The following FAM149B1 variants were observed in gnomAD, a reference collection of about 807,000 sequenced individuals.
FAM149B1 encodes family with sequence similarity 149 member B1, also known as primary cilium assembly protein FAM149B1.
In FAM149B1, 56 loss-of-function variants were observed where a neutral mutation model predicts 75.3. The ratio of observed to expected loss-of-function variants is 0.74; its 90% CI spans 0.60 to 0.93. FAM149B1 has a LOEUF of 0.93. FAM149B1 is among the 40% of genes least tolerant of loss of function. FAM149B1 has a pLI of 0.00. For synonymous variants in FAM149B1, 259 were observed against 256.1 expected, an observed-to-expected ratio of 1.01 and a Z score of -0.11; for missense variants, 639 against 708.4, an observed-to-expected ratio of 0.90 and a Z score of 1.11.
Position 73,239,368 on chromosome 10 carries a change from TG to T in FAM149B1, c.1661del (p.Gly554AlafsTer46). 5.2e-6 allele frequency: 8 copies of T among 1,551,616 alleles called. No individual in the cohort carries two copies. The highest frequency in any genetic ancestry group is 7.0e-6 in the Non-Finnish European group (8 of 1,146,904). On this transcript the variant is annotated frameshift_variant, in exon 13 of 14. Coordinates refer to ENST00000242505, the MANE Select transcript of FAM149B1 (RefSeq NM_173348.2). LOFTEE classifies it high-confidence loss of function. ...AVEYPHQARP[G>X]RGSAGPQLHG... ...TTGAGTATCCTCATCAGGCCCGACCTGGCAGGGGATCTGCAGGTAAAGGTGG... is the reference window on the plus strand; with the variant it reads ...TTGAGTATCCTCATCAGGCCCGACCTGCAGGGGATCTGCAGGTAAAGGTGG...
Position 73,193,555 on chromosome 10 carries a change from A to G in FAM149B1, c.504A>G (p.Ser168=). The change falls in exon 5 of 14, where the codon TCA becomes TCG. Residue 168 remains serine (S), a synonymous_variant. Coordinates refer to ENST00000242505, the MANE Select transcript of FAM149B1 (RefSeq NM_173348.2). ...GATCCCCTTCTGCTGTTTCCGCTTCATATGAAACAACCTTGTCTCAAGAAA... is the reference window on the plus strand; with the variant it reads ...GATCCCCTTCTGCTGTTTCCGCTTCGTATGAAACAACCTTGTCTCAAGAAA... ...YPRSPSAVSA[S]YETTLSQERD... 1.3e-6 allele frequency: 2 copies of G among 1,551,166 alleles called. No homozygotes were observed. Among genetic ancestry groups the G allele is most frequent in the Non-Finnish European group, 8.7e-7 (1 of 1,146,752 alleles).
chr10:73,232,912 A>AT (rs1564715055), intron 9 of FAM149B1, 27 bp from the exon 10 acceptor site: 1 of 1,328,492 alleles, frequency 7.5e-7, no homozygotes, highest in Admixed American at 2.0e-5. Flanking sequence ...TCTTTACTTC[A>AT]TTGTGGGTTT....
At chr10:73,199,072 C>T (rs2042873113) in intron 5 of FAM149B1, among the ~76,000 whole-genome samples, 1 of 152,196 alleles carries the variant, frequency 6.6e-6, no homozygotes, top group Admixed American at 6.5e-5. Context: ...CTAGCAAAGT[C>T]ATTTTATCCT....
chr10:73,203,098 C>T (rs1376959205), intron 5 of FAM149B1, among the ~76,000 whole-genome samples: 2 of 152,144 alleles, frequency 1.3e-5, no homozygotes, highest in Non-Finnish European at 2.9e-5. Context: ...ATCATGTTAG[C>T]CCACGGTGTT....
intron 5 of FAM149B1, among the ~76,000 whole-genome samples, chr10:73,196,106 G>C (rs973567169): frequency 6.6e-6 from 1 of 151,938 alleles, no homozygotes; most frequent in East Asian, 1.9e-4. Context: ...GTTTTGTTTT[G>C]ACTGTTTCTT....
chr10:73,207,129 C>A (rs2043082822), intron 5 of FAM149B1, among the ~76,000 whole-genome samples: 1 of 152,158 alleles, frequency 6.6e-6, no homozygotes, highest in African/African-American at 2.4e-5. Context: ...CTCTATTGGG[C>A]AGTGCAGAGA....
At chr10:73,216,447 T>C (rs1056165450) in intron 7 of FAM149B1, among the ~76,000 whole-genome samples, 4 of 152,168 alleles carry the variant, frequency 2.6e-5, no homozygotes, top group Admixed American at 6.5e-5. Context: ...ATGATTGTTT[T>C]TGAGTTGTTT....
intron 9 of FAM149B1, chr10:73,231,373 G>A (rs920036948): frequency 2.6e-5 from 4 of 152,138 alleles, no homozygotes; most frequent in African/African-American, 9.7e-5. Context: ...TCATAGCACA[G>A]GTATATGTTT....
In FAM149B1 at chr10:73,177,893, G is replaced by A; in HGVS notation, c.200G>A (p.Gly67Glu). 4 of 1,551,690 alleles carry A rather than the reference G, an allele frequency of 2.6e-6. No homozygotes were observed. The highest frequency in any genetic ancestry group is 3.5e-6 in the Non-Finnish European group (4 of 1,146,912). Reference sequence around the variant, plus strand: ...TCATCTTTTACATCAGCCGACACTGGGAATTCACTGTCTGCTTTTCCAAGT... The same window carrying A: ...TCATCTTTTACATCAGCCGACACTGAGAATTCACTGTCTGCTTTTCCAAGT... The part of the protein sequence containing the change: ...RESSFTSADT[G>E]NSLSAFPSYT... The change falls in exon 3 of 14, where the codon GGG becomes GAG. Residue 67 changes from glycine (G) to glutamate (E), a missense_variant. Physicochemically the swap from Gly to Glu is moderately conservative, Grantham distance 98. Transcript: ENST00000242505.
intron 5 of FAM149B1, among the ~76,000 whole-genome samples, chr10:73,196,091 C>A (rs1256333544): frequency 6.6e-6 from 1 of 152,108 alleles, no homozygotes; most frequent in East Asian, 1.9e-4. Context: ...AAGCTAGTAC[C>A]TTTGGTTTTG....
intron 9 of FAM149B1, 78 bp from the exon 10 acceptor site, chr10:73,232,861 G>A: frequency 1.2e-6 from 1 of 864,886 alleles, no homozygotes; most frequent in Non-Finnish European, 1.9e-6. Flanking sequence ...TCTAGTCTAA[G>A]GCTTTTTACC....
At chr10:73,199,617 T>A (rs1397358721) in intron 5 of FAM149B1, among the ~76,000 whole-genome samples, 1 of 152,168 alleles carries the variant, frequency 6.6e-6, no homozygotes, top group Non-Finnish European at 1.5e-5. Context: ...GAGATCCTCC[T>A]GCCTCAGCCT....
In FAM149B1 at chr10:73,204,944, A is replaced by ATTTTTTTT. The variant is rs71021549; in HGVS notation, c.543-3630_543-3623dup. Among the ~76,000 whole-genome samples, 2 of 36,606 alleles carry ATTTTTTTT rather than the reference A, an allele frequency of 5.5e-5. 1 individual carries two copies. Among genetic ancestry groups the ATTTTTTTT allele is most frequent in the Non-Finnish European group, 1.0e-4 (2 of 19,162 alleles). The allele number at this position is 36,606 out of a possible 152,430, so 24.0% of individuals were successfully genotyped here. A position where few individuals can be genotyped will look rare whatever the true frequency, so the allele number is the denominator to read the frequency against. ...AGGCACCCGCCACCATGCCTGGCTA[A>ATTTTTTTT]TTTTTTTTTTTTTTTTTTTTTTTTT... is the stretch of plus-strand genomic sequence containing the variant. On this transcript the variant is annotated intron_variant, in intron 5 of 13. Transcript: ENST00000242505.
intron 5 of FAM149B1, among the ~76,000 whole-genome samples, chr10:73,206,532 T>C (rs2043061544): frequency 6.6e-6 from 1 of 152,232 alleles, no homozygotes; most frequent in South Asian, 2.1e-4. Context: ...GAAAAAGGCA[T>C]TTCGGAGACC....
rs968302710 is a variant in FAM149B1 at position 73,177,886 on chromosome 10, G to A, written c.193G>A (p.Asp65Asn). ...AAGAGAATCATCTTTTACATCAGCC[G>A]ACACTGGGAATTCACTGTCTGCTTT... The part of the protein sequence containing the change: ...ITRESSFTSA[D>N]TGNSLSAFPS... Residue 65 changes from aspartate (D) to asparagine (N), a missense_variant, in exon 3 of 14, where the codon GAC becomes AAC. Coordinates refer to ENST00000242505, the MANE Select transcript of FAM149B1 (RefSeq NM_173348.2). 1.0e-5 allele frequency: 16 copies of A among 1,551,614 alleles called. No individual in the cohort carries two copies. The highest frequency in any genetic ancestry group is 5.9e-5 in the Admixed American group (3 of 50,970).
At chr10:73,174,901 A>C in intron 2 of FAM149B1, 110 bp downstream of exon 2, 2 of 701,348 alleles carry the variant, frequency 2.9e-6, no homozygotes, top group Non-Finnish European at 4.9e-6. Context: ...ACAAAGCAAG[A>C]ATTTTTGTCA....
intron 3 of FAM149B1, 149 bp downstream of exon 3, chr10:73,178,124 ATCT>A: frequency 2.3e-6 from 2 of 854,094 alleles, no homozygotes; most frequent in Non-Finnish European, 3.4e-6. Context: ...ATCAGTCCTC[ATCT>A]TCTTTCAGTA....
intron 1 of FAM149B1, 70 bp from the exon 2 acceptor site, chr10:73,174,617 T>C: frequency 1.7e-6 from 2 of 1,167,698 alleles, no homozygotes; most frequent in Non-Finnish European, 2.5e-6. Context: ...GTGACTAACT[T>C]CTAGATTAAA....
In FAM149B1 at chr10:73,168,359, G is replaced by A. The variant is rs1434622891; in HGVS notation, c.20G>A (p.Arg7Gln). 1.9e-5 allele frequency: 29 copies of A among 1,549,870 alleles called. No homozygotes were observed. Among genetic ancestry groups the A allele is most frequent in the Non-Finnish European group, 2.5e-5 (29 of 1,146,840 alleles). Residue 7 changes from arginine to glutamine, a missense_variant, in exon 1 of 14, where the codon CGG becomes CAG. Physicochemically the swap from Arg to Gln is conservative, Grantham distance 43. Transcript: ENST00000242505. ...AGGAGGATGATCTCCAGATACACTC[G>A]GAAGGCGGTGCCACAGAGCTTGGAG... is the stretch of plus-strand genomic sequence containing the variant. The part of the protein sequence containing the change: MISRYT[R>Q]KAVPQSLELK...
Sources: allele counts gnomAD v4.1 joint callset (sites outside exome capture counted in the v4.1 genomes callset), GRCh38; gene constraint gnomAD v4.1.1; transcripts MANE v1.5; gene names NCBI Gene and HGNC (gene_info 2026-07-23, HGNC 2026-07-21).